Variants in LRBA observed in about 807,000 individuals in gnomAD.
The protein encoded by LRBA is LPS responsive beige-like anchor protein, also known as lipopolysaccharide-responsive and beige-like anchor protein.
LRBA carries 176 observed loss-of-function variants against 330.0 expected under a neutral mutation model. The observed-to-expected ratio is 0.53, with a 90% CI of 0.47 to 0.60. The LOEUF is 0.60. Ranked by LOEUF, LRBA falls within the 20% of genes least tolerant of loss-of-function variation. The pLI, the probability that LRBA is intolerant of heterozygous loss-of-function variation, is 0.00. For synonymous variants in LRBA, 1,230 were observed against 1,193.0 expected, an observed-to-expected ratio of 1.03 and a Z score of -0.64; for missense variants, 3,259 against 3,444.8, an observed-to-expected ratio of 0.95 and a Z score of 1.35.
At chr4:150,360,180 A>G (rs1393194832) in intron 47 of LRBA, among the ~76,000 whole-genome samples, 2 of 152,012 alleles carry the variant, frequency 1.3e-5, no homozygotes, top group East Asian at 3.9e-4. Context: ...AAAAAATGAC[A>G]CAGGGTCTCG....
chr4:150,564,437 G>A (rs574475566), intron 40 of LRBA, among the ~76,000 whole-genome samples: 3 of 152,092 alleles, frequency 2.0e-5, no homozygotes, highest in Non-Finnish European at 4.4e-5. Context: ...AAAAACCCTA[G>A]AAGAAAACCT....
chr4:150,408,560 A>G (rs981837402), intron 47 of LRBA, among the ~76,000 whole-genome samples: 1 of 152,156 alleles, frequency 6.6e-6, no homozygotes, highest in African/African-American at 2.4e-5. Flanking sequence ...TATTACCCTG[A>G]TAATAAAGTC....
chr4:150,826,155 TC>T (rs1214489076), intron 30 of LRBA, among the ~76,000 whole-genome samples: 1 of 152,080 alleles, frequency 6.6e-6, no homozygotes, highest in Non-Finnish European at 1.5e-5. Context: ...TAAAAAAGAA[TC>T]TAAGGCTAGA....
intron 30 of LRBA, among the ~76,000 whole-genome samples, chr4:150,818,531 T>C (rs998260687): frequency 1.6e-4 from 20 of 123,742 alleles, no homozygotes; most frequent in African/African-American, 7.0e-4. Context: ...ATGACGAATG[T>C]CTGTGTGTGT....
At chr4:150,317,794 A>C (rs1507189) in intron 50 of LRBA, among the ~76,000 whole-genome samples, 132,630 of 152,178 alleles carry the variant, frequency 0.87, 58,502 homozygotes, top group Non-Finnish European at 0.93. Flanking sequence ...GGCTGTATGA[A>C]CTTGGTCAAG....
intron 44 of LRBA, among the ~76,000 whole-genome samples, chr4:150,447,374 AGGATCTGAATAGAAG>A (rs1752744183): frequency 6.6e-6 from 1 of 152,204 alleles, no homozygotes; most frequent in Admixed American, 6.5e-5. Flanking sequence ...CAATCTGCTG[AGGATCTGAATAGAAG>A]AAAATGCAGA....
At chr4:150,328,354 A>G (rs1268554076) in intron 48 of LRBA, among the ~76,000 whole-genome samples, 2 of 152,054 alleles carry the variant, frequency 1.3e-5, no homozygotes, top group African/African-American at 4.8e-5. Context: ...GAAGAGAGGT[A>G]TTGATTTTGG....
Position 150,828,349 on chromosome 4 carries a change from G to A in LRBA, c.5002C>T (p.Pro1668Ser), listed in dbSNP as rs763711820. 6.8e-6 allele frequency: 11 copies of A among 1,614,130 alleles called. No individual in the cohort carries two copies. Among genetic ancestry groups the A allele is most frequent in the Middle Eastern group, 1.6e-4 (1 of 6,062 alleles). ...ACGTTTTTTGAAACTGAAACTGACG[G>A]TGTAGCCTTAGTGTCCAAGTCATTT... ...RGNDLDTKATPSVSVSKNVNV... is the reference protein window; with the variant it reads ...RGNDLDTKATSSVSVSKNVNV... The change falls in exon 30 of 57, where the codon CCG becomes TCG. Residue 1668 changes from proline (P) to serine (S), a missense_variant. Physicochemically the swap from Pro to Ser is moderately conservative, Grantham distance 74. Transcript: ENST00000651943.
chr4:150,432,069 TCC>T (rs1398343363), intron 46 of LRBA, among the ~76,000 whole-genome samples: 1 of 151,844 alleles, frequency 6.6e-6, no homozygotes, highest in Non-Finnish European at 1.5e-5. Context: ...AAGTAACAGC[TCC>T]CCCTCAGCAA....
chr4:150,632,236 A>G (rs1777457686), intron 37 of LRBA, among the ~76,000 whole-genome samples: 1 of 1,418 alleles, frequency 7.1e-4, no homozygotes, highest in South Asian at 2.6e-3. Flanking sequence ...GTCTCAAGGA[A>G]AAAAAAAAAA....
intron 36 of LRBA, among the ~76,000 whole-genome samples, chr4:150,713,700 G>A (rs1486494013): frequency 6.6e-6 from 1 of 152,132 alleles, no homozygotes; most frequent in Non-Finnish European, 1.5e-5. Context: ...AGTATTGCCT[G>A]AGATACCGTA....
At chr4:150,492,630 T>C (rs1759106058) in intron 40 of LRBA, among the ~76,000 whole-genome samples, 1 of 152,122 alleles carries the variant, frequency 6.6e-6, no homozygotes, top group Non-Finnish European at 1.5e-5. Context: ...AATTTTAAAA[T>C]ACAAATCAGA....
chr4:150,532,927 A>T (rs1320606483), intron 40 of LRBA, among the ~76,000 whole-genome samples: 1 of 152,162 alleles, frequency 6.6e-6, no homozygotes, highest in Non-Finnish European at 1.5e-5. Context: ...TCCTTTTGGG[A>T]AAAAAGAATT....
chr4:150,735,452 A>T (rs1731061606), intron 35 of LRBA, 86 bp from the exon 36 acceptor site: 1 of 852,216 alleles, frequency 1.2e-6, no homozygotes, highest in Non-Finnish European at 2.0e-6. Context: ...GAGAGGAAGG[A>T]ATACTTACTT....
At chr4:150,736,028 C>T (rs931709651) in intron 35 of LRBA, among the ~76,000 whole-genome samples, 3 of 152,130 alleles carry the variant, frequency 2.0e-5, no homozygotes, top group African/African-American at 7.2e-5. Flanking sequence ...AATACCAATG[C>T]AGGAGGGCCA....
chr4:150,880,921 C>T (rs1169133095), intron 17 of LRBA, among the ~76,000 whole-genome samples: 1 of 152,080 alleles, frequency 6.6e-6, no homozygotes, highest in Non-Finnish European at 1.5e-5. Context: ...AAGCAGGCAA[C>T]AAACATATGA....
In LRBA at chr4:150,310,324, A is replaced by C; in HGVS notation, c.7754T>G (p.Val2585Gly). 1 of 1,613,006 alleles carries C rather than the reference A, an allele frequency of 6.2e-7. No homozygotes were observed. Among genetic ancestry groups the C allele is most frequent in the South Asian group, 1.1e-5 (1 of 91,040 alleles). The change falls in exon 52 of 57, where the codon GTG becomes GGG. Residue 2585 changes from valine to glycine, a missense_variant. Physicochemically the swap from Val to Gly is moderately radical, Grantham distance 109 (BLOSUM62 -3). Transcript: ENST00000651943. ...AGTGATGACAAAGCACTGGGAATGC[A>C]CTTGAATACTTTGGTCTAAAAGGTC... ...ITDLLDQSIQ[V>G]HSQCFVITSD... is the part of the protein sequence containing the mutation.
At chr4:150,840,303 G>C (rs1748869365) in intron 28 of LRBA, among the ~76,000 whole-genome samples, 1 of 152,132 alleles carries the variant, frequency 6.6e-6, no homozygotes, top group Non-Finnish European at 1.5e-5. Flanking sequence ...TAAATGTTTG[G>C]CACAAGAAGC....
chr4:150,417,084 T>A (rs532527255), intron 46 of LRBA, among the ~76,000 whole-genome samples: 212 of 152,208 alleles, frequency 1.4e-3, no homozygotes, highest in African/African-American at 4.8e-3. Flanking sequence ...TATGCAGTGC[T>A]AAACATTTTA....
Sources: allele counts gnomAD v4.1 joint callset (sites outside exome capture counted in the v4.1 genomes callset), GRCh38; gene constraint gnomAD v4.1.1; transcripts MANE v1.5; gene names NCBI Gene and HGNC (gene_info 2026-07-23, HGNC 2026-07-21).